The following CYRIB variants were observed in gnomAD, a reference collection of about 807,000 sequenced individuals.
The protein encoded by CYRIB is CYFIP-related Rac1 interactor B.
CYRIB carries 8 observed loss-of-function variants against 44.2 expected under a neutral mutation model. The observed-to-expected ratio is 0.18, with a 90% confidence interval of 0.11 to 0.33. The LOEUF is 0.33. Among genes scored for constraint, CYRIB ranks in the 10% least tolerant of loss-of-function variants. CYRIB has a pLI of 1.00. For synonymous variants in CYRIB, 131 were observed against 127.2 expected (o/e 1.03, Z -0.20); for missense variants, 185 against 382.8 (o/e 0.48, Z 4.31).
chr8:129,919,928 C>T (rs298602), intron 1 of CYRIB, among the ~76,000 whole-genome samples: 57,804 of 151,862 alleles, frequency 0.38, 13,184 homozygotes, highest in East Asian at 0.55. Flanking sequence ...CTAATAAATA[C>T]AAAACTGCAC....
intron 1 of CYRIB, among the ~76,000 whole-genome samples, chr8:130,006,511 G>A (rs1309072274): frequency 1.5e-5 from 2 of 135,880 alleles, no homozygotes; most frequent in Non-Finnish European, 3.1e-5. Flanking sequence ...TTGGGAGGCC[G>A]AGGCAGGTGG....
At chr8:129,955,045 G>A (rs2094721395) in intron 2 of CYRIB, among the ~76,000 whole-genome samples, 1 of 152,136 alleles carries the variant, frequency 6.6e-6, no homozygotes, top group East Asian at 1.9e-4. Context: ...CTTGAGTTTA[G>A]GAGTTTGAAA....
intron 1 of CYRIB, among the ~76,000 whole-genome samples, chr8:129,973,584 C>A (rs1267878480): frequency 6.6e-6 from 1 of 152,224 alleles, no homozygotes; most frequent in Admixed American, 6.5e-5. Context: ...GAGTCCCAAC[C>A]ACCTCACGTG....
chr8:129,922,042 G>T (rs370751904), intron 1 of CYRIB, among the ~76,000 whole-genome samples: 1 of 152,118 alleles, frequency 6.6e-6, no homozygotes, highest in Non-Finnish European at 1.5e-5. Flanking sequence ...ACTTGAAATG[G>T]TTCACAGTGG....
chr8:129,865,142 A>G (rs906321514), intron 4 of CYRIB: 1 of 152,960 alleles, frequency 6.5e-6, no homozygotes, highest in Admixed American at 6.5e-5. Context: ...TTTCAAAAAC[A>G]GTCTGCAGAT....
intron 1 of CYRIB, among the ~76,000 whole-genome samples, chr8:129,938,122 G>GA (rs5895014): frequency 5.4e-5 from 8 of 147,918 alleles, no homozygotes; most frequent in South Asian, 2.2e-4. Context: ...AAAGTCACAT[G>GA]AAAAAAAAAA....
intron 1 of CYRIB, among the ~76,000 whole-genome samples, chr8:129,994,256 A>G (rs1386451441): frequency 6.6e-6 from 1 of 150,466 alleles, no homozygotes; most frequent in African/African-American, 2.4e-5. Flanking sequence ...GACTGCCCCA[A>G]AACTCCAGAA....
chr8:129,881,731 A>G (rs2060879151), intron 2 of CYRIB, among the ~76,000 whole-genome samples: 1 of 152,036 alleles, frequency 6.6e-6, no homozygotes, highest in Non-Finnish European at 1.5e-5. Flanking sequence ...TCTTATATTA[A>G]CATTTCTATT....
chr8:129,882,700 T>C (rs2134070931), intron 2 of CYRIB, among the ~76,000 whole-genome samples: 2 of 152,314 alleles, frequency 1.3e-5, no homozygotes, highest in South Asian at 4.1e-4. Context: ...CATGTACGTC[T>C]GCTCCATTTT....
chr8:129,994,972 T>C (rs539530642), intron 1 of CYRIB, among the ~76,000 whole-genome samples: 1 of 152,208 alleles, frequency 6.6e-6, no homozygotes, highest in South Asian at 2.1e-4. Flanking sequence ...GCAGTGGTCA[T>C]GTGGCCAAGC....
chr8:129,910,409 T>A (rs2077337385), intron 1 of CYRIB, among the ~76,000 whole-genome samples: 1 of 151,932 alleles, frequency 6.6e-6, no homozygotes. Context: ...ACATTCTAAT[T>A]AACACTACCA....
intron 5 of CYRIB, among the ~76,000 whole-genome samples, chr8:129,856,656 T>TA (rs889175694): frequency 7.9e-5 from 12 of 152,148 alleles, no homozygotes; most frequent in African/African-American, 1.9e-4. Flanking sequence ...CCCGTAACTT[T>TA]AAAAAAACCC....
chr8:129,879,348 A>G, intron 3 of CYRIB, 41 bp downstream of exon 5: 1 of 1,308,284 alleles, frequency 7.6e-7, no homozygotes, highest in Non-Finnish European at 1.1e-6. Flanking sequence ...AACGCAGTCT[A>G]CTGCAGGCAA....
At chr8:129,951,720 A>T (rs2094513025) in intron 2 of CYRIB, among the ~76,000 whole-genome samples, 3 of 152,112 alleles carry the variant, frequency 2.0e-5, no homozygotes, top group Admixed American at 2.0e-4. Flanking sequence ...AAAAAAAAGA[A>T]AGAAAATGGT....
At chr8:129,866,321 A>G (rs2053542388) in intron 4 of CYRIB, among the ~76,000 whole-genome samples, 1 of 152,178 alleles carries the variant, frequency 6.6e-6, no homozygotes, top group East Asian at 1.9e-4. Flanking sequence ...CAGAAAAGGA[A>G]TTGCACAATT....
At chr8:129,986,351 C>G (rs1008888633) in intron 1 of CYRIB, among the ~76,000 whole-genome samples, 1 of 152,192 alleles carries the variant, frequency 6.6e-6, no homozygotes, top group African/African-American at 2.4e-5. Context: ...CTCACTCTAT[C>G]CCAGTTCAGG....
chr8:129,856,001 G>T (rs947930483), intron 5 of CYRIB, among the ~76,000 whole-genome samples: 2 of 152,210 alleles, frequency 1.3e-5, no homozygotes, highest in Non-Finnish European at 2.9e-5. Context: ...TGTAAACCCA[G>T]ATTGAAAATA....
intron 2 of CYRIB, among the ~76,000 whole-genome samples, chr8:129,959,278 CACT>C (rs3997645): frequency 0.44 from 66,615 of 151,566 alleles, 17,110 homozygotes; most frequent in African/African-American, 0.71. Context: ...AGCCACACCC[CACT>C]ACTTGCTTCC....
intron 2 of CYRIB, among the ~76,000 whole-genome samples, chr8:129,966,923 G>A (rs1307846567): frequency 6.6e-6 from 1 of 152,076 alleles, no homozygotes; most frequent in African/African-American, 2.4e-5. Context: ...TTAAACTCCT[G>A]AGCTCAAGTG....
Sources: gnomAD v4.1 joint callset for allele counts (sites outside exome capture counted in the v4.1 genomes callset) on GRCh38, gnomAD v4.1.1 for gene constraint, MANE v1.5 for transcripts, NCBI Gene and HGNC (gene_info 2026-07-23, HGNC 2026-07-21) for gene names.